Variants in COL4A6 observed in about 807,000 individuals in gnomAD.
COL4A6 encodes collagen alpha-6(IV) chain.
COL4A6 carries 59 observed loss-of-function variants against 126.7 expected under a neutral mutation model. The observed-to-expected ratio is 0.47, with a 90% CI of 0.38 to 0.58. The LOEUF (loss-of-function observed/expected upper bound fraction) is 0.58. Among genes scored for constraint, COL4A6 ranks in the 20% least tolerant of loss-of-function variants. The probability of loss-of-function intolerance (pLI) is 0.00; values close to 1 mark genes in which losing one functional copy is unlikely to be tolerated. For missense variants in COL4A6, 1,285 were observed against 1,337.3 expected, an observed-to-expected ratio of 0.96 and a Z score of 0.61; for synonymous variants, 547 against 496.6, an observed-to-expected ratio of 1.10 and a Z score of -1.35.
Position 108,155,754 on chromosome X carries a change from A to G in COL4A6, c.*1246T>C, listed in dbSNP as rs1483217273. On this transcript the variant is annotated 3_prime_UTR_variant, in exon 45 of 45. Transcript: ENST00000334504. ...CAGTTTATATAATACTTAAGGAAAC[A>G]GAATCACCTGGAAGGAACTGCCTCA... 8.9e-6 allele frequency: 1 copy of G among 111,844 alleles called. No individual in the cohort carries two copies. Among genetic ancestry groups the G allele is most frequent in the Admixed American group, 9.5e-5 (1 of 10,490 alleles). The allele number at this position is 111,844 out of a possible 1,213,427, so 9.2% of individuals were successfully genotyped here. A position where few individuals can be genotyped will look rare whatever the true frequency, so the allele number is the denominator to read the frequency against.
chrX:108,214,270 T>A, intron 5 of COL4A6, 42 bp from the exon 6 acceptor site: 2 of 987,690 alleles, frequency 2.0e-6, no homozygotes, highest in Non-Finnish European at 2.8e-6. Context: ...GCCAAAGGAC[T>A]GTCAGCTATT....
rs145520367 is a variant in COL4A6 at position 108,210,863 on chromosome X, C to T, written c.510+809G>A. Among the ~76,000 whole-genome samples, 20 of 111,607 alleles carry T rather than the reference C, an allele frequency of 1.8e-4. 1 individual carries two copies. Among genetic ancestry groups the T allele is most frequent in the South Asian group, 1.5e-3 (4 of 2,632 alleles). Reference sequence around the variant, plus strand: ...AGAAGCCCATACCCTAAATCTTGTCCGGCTCTCCAGCCACCCACCCCCATC... The same window carrying T: ...AGAAGCCCATACCCTAAATCTTGTCTGGCTCTCCAGCCACCCACCCCCATC... On this transcript the variant is annotated intron_variant, in intron 7 of 44. Coordinates refer to ENST00000334504, the MANE Select transcript of COL4A6 (RefSeq NM_033641.4).
chrX:108,377,553 TTTC>T (rs1409834231), intron 2 of COL4A6, among the ~76,000 whole-genome samples: 5 of 106,298 alleles, frequency 4.7e-5, no homozygotes, highest in African/African-American at 1.8e-4. Context: ...AGAAAAAAAA[TTTC>T]TTTTTTTTTT....
chrX:108,357,356 C>A (rs746583294), intron 2 of COL4A6, among the ~76,000 whole-genome samples: 8 of 111,389 alleles, frequency 7.2e-5, no homozygotes, highest in Non-Finnish European at 1.1e-4. Flanking sequence ...TAGACCAGAG[C>A]TAGGTGGCTT....
upstream of COL4A6, among the ~76,000 whole-genome samples, chrX:108,439,092 T>G (rs888243455): frequency 1.8e-5 from 2 of 112,226 alleles, no homozygotes; most frequent in African/African-American, 6.5e-5. Context: ...AGTGTTTATA[T>G]TAATTCTAAG....
chrX:108,212,915 A>G (rs981838442), intron 6 of COL4A6, among the ~76,000 whole-genome samples: 1 of 111,967 alleles, frequency 8.9e-6, no homozygotes, highest in Admixed American at 9.5e-5. Context: ...AGGGGGTAGC[A>G]TGTCCTTGCT....
intron 2 of COL4A6, among the ~76,000 whole-genome samples, chrX:108,346,599 A>G (rs1037481814): frequency 1.8e-5 from 2 of 112,359 alleles, no homozygotes; most frequent in African/African-American, 6.5e-5. Flanking sequence ...AGGTTCTTGG[A>G]AAGTGTGACT....
intron 8 of COL4A6, 121 bp downstream of exon 8, chrX:108,209,848 C>T: frequency 1.4e-6 from 1 of 723,573 alleles, no homozygotes. Flanking sequence ...CATTCTACTT[C>T]AACTGTCTAG....
chrX:108,319,363 C>G (rs2038966320), intron 2 of COL4A6, among the ~76,000 whole-genome samples: 1 of 111,566 alleles, frequency 9.0e-6, no homozygotes, highest in Non-Finnish European at 1.9e-5. Context: ...TCTAAAAAAA[C>G]AAAAAGCCTC....
In COL4A6 at chrX:108,193,639, G is replaced by A; in HGVS notation, c.1061C>T (p.Ala354Val). Residue 354 changes from alanine (A) to valine (V), a missense_variant, in exon 17 of 45, where the codon GCT (alanine) becomes GTT (valine). Ala to Val is a moderately conservative substitution (Grantham distance 64). Coordinates refer to ENST00000334504, the MANE Select transcript of COL4A6 (RefSeq NM_033641.4). The part of the protein sequence containing the change: ...GPDVFIDIDG[A>V]VISGNPGDPG... ...ATGAGAAGTTGCACCTGAGATCACA[G>A]CACCATCTATATCGATGAAAACATC... is the stretch of plus-strand genomic sequence containing the variant. 8.3e-7 allele frequency: 1 copy of A among 1,207,037 alleles called. No individual in the cohort carries two copies. Among genetic ancestry groups the A allele is most frequent in the Middle Eastern group, 2.3e-4 (1 of 4,338 alleles).
rs779254431 is a variant in COL4A6, at chrX:108,172,583, C to T, written c.3139-51G>A. 6.8e-5 allele frequency: 65 copies of T among 955,746 alleles called. 1 individual carries two copies. The Admixed American group carries it at 1.5e-3, about 23-fold the overall frequency. 78.8% of individuals were successfully genotyped at this position (955,746 alleles called of 1,213,427 possible). A position where few individuals can be genotyped will look rare whatever the true frequency, so the allele number is the denominator to read the frequency against. Reference sequence around the variant, plus strand: ...TTTCTGCCCAGAGCTCAGGACTGCCCACCCTCTTACTTCCTCACCCCTCAC... The same window carrying T: ...TTTCTGCCCAGAGCTCAGGACTGCCTACCCTCTTACTTCCTCACCCCTCAC... On this transcript the variant is annotated intron_variant, in intron 31 of 44. Coordinates refer to ENST00000334504, the MANE Select transcript of COL4A6 (RefSeq NM_033641.4).
At chrX:108,383,865 T>C (rs2040621467) in intron 2 of COL4A6, 4 of 491,991 alleles carry the variant, frequency 8.1e-6, no homozygotes, top group South Asian at 3.1e-5. Flanking sequence ...ATGATATTGA[T>C]GTGGATCTCA....
In COL4A6 at chrX:108,318,245, T is replaced by C. The variant is rs2038935251; in HGVS notation, c.64-7417A>G. Among the ~76,000 whole-genome samples, 3 of 111,624 alleles carry C rather than the reference T, an allele frequency of 2.7e-5. No individual in the cohort carries two copies. The South Asian group carries it at 1.1e-3, about 43-fold the overall frequency. ...ATCTCAAAATAATAAGAGCTATCTA[T>C]GACAAACCCACAGCCAGTATCATAA... On this transcript the variant is annotated intron_variant, in intron 2 of 44. Transcript: ENST00000334504.
At chrX:108,349,874 A>T (rs1276892701) in intron 2 of COL4A6, among the ~76,000 whole-genome samples, 3 of 111,991 alleles carry the variant, frequency 2.7e-5, no homozygotes, top group African/African-American at 9.7e-5. Flanking sequence ...TAGGCATTTT[A>T]TACACTATTT....
At position 108,310,752 on chromosome X, in the gene COL4A6, G is replaced by A. The variant is rs774796939; in HGVS notation, c.140C>T (p.Ala47Val). 8 of 1,204,397 alleles carry A rather than the reference G, an allele frequency of 6.6e-6. No homozygotes were observed. Among genetic ancestry groups the A allele is most frequent in the East Asian group, 3.0e-5 (1 of 33,739 alleles). Residue 47 changes from alanine (A) to valine (V), a missense_variant, in exon 3 of 45, where the codon GCG becomes GTG. Transcript: ENST00000334504. ...ACAATGAAATAAGCAACTTACTCTCGCTCCTTTCTCAGGAAAACACTGACA... is the reference window on the plus strand; with the variant it reads ...ACAATGAAATAAGCAACTTACTCTCACTCCTTTCTCAGGAAAACACTGACA... ...GSCQCFPEKGARGRPGPIGIQ... is the reference protein window; with the variant it reads ...GSCQCFPEKGVRGRPGPIGIQ...
At chrX:108,305,367 T>G (rs2038599775) in intron 3 of COL4A6, among the ~76,000 whole-genome samples, 1 of 111,953 alleles carries the variant, frequency 8.9e-6, no homozygotes, top group Non-Finnish European at 1.9e-5. Flanking sequence ...TGAGGAGGGT[T>G]CCTAATAATG....
At chrX:108,248,282 G>A (rs2036765082) in intron 3 of COL4A6, among the ~76,000 whole-genome samples, 1 of 111,349 alleles carries the variant, frequency 9.0e-6, no homozygotes, top group Admixed American at 9.5e-5. Flanking sequence ...ATGTGTGTAT[G>A]ATCAAAAAGG....
chrX:108,358,856 A>G (rs907585166), intron 2 of COL4A6, among the ~76,000 whole-genome samples: 1 of 111,824 alleles, frequency 8.9e-6, no homozygotes, highest in Non-Finnish European at 1.9e-5. Context: ...ACATAAGGTA[A>G]GGTATGGGTA....
intron 40 of COL4A6, among the ~76,000 whole-genome samples, chrX:108,164,302 C>CA (rs1380392232): frequency 9.0e-6 from 1 of 111,239 alleles, no homozygotes; most frequent in Non-Finnish European, 1.9e-5. Context: ...CTGAATTGAG[C>CA]AAACGGGTGG....
Sources: gnomAD v4.1 joint callset for allele counts (sites outside exome capture counted in the v4.1 genomes callset) on GRCh38, gnomAD v4.1.1 for gene constraint, MANE v1.5 for transcripts, NCBI Gene and HGNC (gene_info 2026-07-23, HGNC 2026-07-21) for gene names.